The following SLC26A4 variants were observed in gnomAD, a reference collection of about 807,000 sequenced individuals.
SLC26A4 encodes the protein solute carrier family 26 member 4.
A neutral mutation model predicts 90.4 loss-of-function variants in SLC26A4; 93 were observed. The ratio of observed to expected loss-of-function variants is 1.03; its 90% CI spans 0.87 to 1.22. The LOEUF is 1.22. Ranked by LOEUF, SLC26A4 falls within the 50% of genes most tolerant of loss-of-function variation. SLC26A4 has a pLI of 0.00. For synonymous variants in SLC26A4, 393 were observed against 354.6 expected (o/e 1.11, Z -1.22); for missense variants, 1,127 against 946.2 (o/e 1.19, Z -2.51).
intron 18 of SLC26A4, among the ~76,000 whole-genome samples, chr7:107,707,438 A>C (rs2129319399): frequency 6.6e-6 from 1 of 152,332 alleles, no homozygotes; most frequent in Non-Finnish European, 1.5e-5. Context: ...AAGTCACAGC[A>C]CTTTAGAATT....
At chr7:107,690,388 C>T in intron 10 of SLC26A4, 151 bp downstream of exon 10, 1 of 663,810 alleles carries the variant, frequency 1.5e-6, no homozygotes, top group Non-Finnish European at 2.7e-6. Flanking sequence ...TCTTGTTCCA[C>T]TCCCTCACCT....
chr7:107,683,133 T>C, intron 6 of SLC26A4, 69 bp from the exon 7 acceptor site: 2 of 1,092,122 alleles, frequency 1.8e-6, no homozygotes, highest in Non-Finnish European at 2.8e-6. Flanking sequence ...TGATTGTGTG[T>C]GTGTGCGTGT....
At chr7:107,691,512 T>TACACAC (rs760010561) in intron 10 of SLC26A4, among the ~76,000 whole-genome samples, 3,545 of 110,410 alleles carry the variant, frequency 0.032, 66 homozygotes, top group Non-Finnish European at 0.04. Flanking sequence ...CAAATATATA[T>TACACAC]ATACACACAC....
At chr7:107,709,015 A>C (rs1792108763) in intron 18 of SLC26A4, among the ~76,000 whole-genome samples, 1 of 152,204 alleles carries the variant, frequency 6.6e-6, no homozygotes, top group Non-Finnish European at 1.5e-5. Context: ...ATTCTTGCAC[A>C]AGCGATTTAT....
chr7:107,708,733 C>T (rs1792099811), intron 18 of SLC26A4, among the ~76,000 whole-genome samples: 2 of 140,118 alleles, frequency 1.4e-5, no homozygotes, highest in African/African-American at 5.3e-5. Flanking sequence ...ACTCTGAGAA[C>T]ATTTTGAACC....
intron 6 of SLC26A4, 71 bp from the exon 7 acceptor site, chr7:107,683,131 T>G: frequency 9.4e-7 from 1 of 1,068,268 alleles, no homozygotes; most frequent in Non-Finnish European, 1.4e-6. Context: ...ATTGATTGTG[T>G]GTGTGTGCGT....
At position 107,695,951 on chromosome 7, in the gene SLC26A4, T is replaced by A; in HGVS notation, c.1456T>A (p.Cys486Ser). Residue 486 changes from cysteine to serine, a missense_variant, in exon 13 of 21, where the codon TGT becomes AGT. Physicochemically the swap from Cys to Ser is moderately radical, Grantham distance 112. Coordinates refer to ENST00000644269, the MANE Select transcript of SLC26A4 (RefSeq NM_000441.2). ...TCCCTAGGTTATCTGGGTGTTTACG[T>A]GTATAGTGTCCATCATTCTGGGGCT... The part of the protein sequence containing the change: ...KIDAVIWVFT[C>S]IVSIILGLDL... 6.2e-7 allele frequency: 1 copy of A among 1,603,310 alleles called. No homozygotes were observed. The highest frequency in any genetic ancestry group is 8.5e-7 in the Non-Finnish European group (1 of 1,170,190).
chr7:107,692,085 T>A, intron 10 of SLC26A4: 1 of 1,289,108 alleles, frequency 7.8e-7, no homozygotes, highest in Non-Finnish European at 1.0e-6. Flanking sequence ...CCAGTAAGTA[T>A]GCCCATGTAA....
At chr7:107,698,624 T>C (rs773515233) in intron 14 of SLC26A4, among the ~76,000 whole-genome samples, 2 of 152,020 alleles carry the variant, frequency 1.3e-5, no homozygotes, top group Non-Finnish European at 2.9e-5. Flanking sequence ...GCTAGCTGAA[T>C]GTCATTTTAA....
intron 18 of SLC26A4, among the ~76,000 whole-genome samples, chr7:107,707,268 C>T (rs1288859440): frequency 6.6e-6 from 1 of 152,156 alleles, no homozygotes; most frequent in Non-Finnish European, 1.5e-5. Context: ...AGCCATAAAA[C>T]CTGTAATTCT....
intron 10 of SLC26A4, chr7:107,691,767 T>G (rs1488884549): frequency 1.9e-6 from 2 of 1,036,630 alleles, no homozygotes. Flanking sequence ...AGAATTTTTC[T>G]TAATTTTTTA....
chr7:107,707,539 C>G (rs1792066303), intron 18 of SLC26A4, among the ~76,000 whole-genome samples: 1 of 152,178 alleles, frequency 6.6e-6, no homozygotes, highest in South Asian at 2.1e-4. Context: ...ATTTAAAGAT[C>G]TGATGTGAGT....
Position 107,710,202 on chromosome 7 carries a change from A to T in SLC26A4, c.2235+3A>T. The T allele has an allele frequency of 6.3e-7, 1 of 1,585,384 alleles. No homozygotes were observed. The highest frequency in any genetic ancestry group is 8.7e-7 in the Non-Finnish European group (1 of 1,153,978). ...GTCAAGGTTCCATTTTAGAAACGGTAAATATTCAACCTTTCTACAGATGTA... is the reference window on the plus strand; with the variant it reads ...GTCAAGGTTCCATTTTAGAAACGGTTAATATTCAACCTTTCTACAGATGTA... On this transcript the variant is annotated splice_donor_region_variant and intron_variant, in intron 19 of 20. Transcript: ENST00000644269.
At chr7:107,681,745 A>C (rs1308279638) in intron 6 of SLC26A4, among the ~76,000 whole-genome samples, 1 of 152,086 alleles carries the variant, frequency 6.6e-6, no homozygotes, top group African/African-American at 2.4e-5. Context: ...TCTCCTATTT[A>C]CAAAACAAAA....
intron 14 of SLC26A4, among the ~76,000 whole-genome samples, chr7:107,698,317 T>G (rs1791797563): frequency 6.6e-6 from 1 of 151,796 alleles, no homozygotes; most frequent in East Asian, 1.9e-4. Context: ...TAGCTGAATG[T>G]CTTTTTTTTT....
chr7:107,710,282 C>G lies in SLC26A4; in HGVS notation c.2235+83C>G, dbSNP rs1383454210. The G allele has an allele frequency of 2.9e-6, 3 of 1,045,052 alleles. No individual in the cohort carries two copies. In the African/African-American group the frequency reaches 4.7e-5, roughly 16 times the overall value. 64.7% of individuals were successfully genotyped at this position (1,045,052 alleles called of 1,614,324 possible). On this transcript the variant is annotated intron_variant, in intron 19 of 20. Coordinates refer to ENST00000644269, the MANE Select transcript of SLC26A4 (RefSeq NM_000441.2). ...ATGGCAAACATTACACAAGTCTAGT[C>G]TAGCTGTTGAATTTTAAGCTACCTA...
At chr7:107,682,249 A>G (rs1208656644) in intron 6 of SLC26A4, among the ~76,000 whole-genome samples, 1 of 152,078 alleles carries the variant, frequency 6.6e-6, no homozygotes, top group Non-Finnish European at 1.5e-5. Flanking sequence ...TAATGGGTGC[A>G]GTACACCAAC....
chr7:107,665,028 A>G (rs1302581200), intron 3 of SLC26A4, among the ~76,000 whole-genome samples: 2 of 152,190 alleles, frequency 1.3e-5, no homozygotes, highest in African/African-American at 2.4e-5. Context: ...GGGCTGTGGC[A>G]GGGGAGTGCA....
At position 107,715,438 on chromosome 7, in the gene SLC26A4, G is replaced by C. The variant is rs776447767; in HGVS notation, c.2335G>C (p.Ala779Pro). Reference sequence around the variant, plus strand: ...GCTTCCACAGGCTATGCGTACACTTGCATCCTGAAAGTGGGTTCGGGAGGT... The same window carrying C: ...GCTTCCACAGGCTATGCGTACACTTCCATCCTGAAAGTGGGTTCGGGAGGT... ...DVQDEAMRTLAS is the reference protein window; with the variant it reads ...DVQDEAMRTLPS The change falls in exon 21 of 21, where the codon GCA becomes CCA. Residue 779 changes from alanine to proline, a missense_variant. Ala to Pro is a conservative substitution (Grantham distance 27). Transcript: ENST00000644269. 9 of 1,613,052 alleles carry C rather than the reference G, an allele frequency of 5.6e-6. No individual in the cohort carries two copies. Among genetic ancestry groups the C allele is most frequent in the Admixed American group, 5.0e-5 (3 of 59,988 alleles).
Sources: gnomAD v4.1 joint callset for allele counts (sites outside exome capture counted in the v4.1 genomes callset) on GRCh38, gnomAD v4.1.1 for gene constraint, MANE v1.5 for transcripts, NCBI Gene and HGNC (gene_info 2026-07-23, HGNC 2026-07-21) for gene names.